The following SLC24A4 variants were observed in gnomAD, a reference collection of about 807,000 sequenced individuals.
The protein encoded by SLC24A4 is solute carrier family 24 member 4.
SLC24A4 carries 53 observed loss-of-function variants against 79.0 expected under a neutral mutation model. That is an observed-to-expected ratio of 0.67 (90% CI 0.54 to 0.84). The LOEUF is 0.84. Ranked by LOEUF, SLC24A4 falls within the 40% of genes least tolerant of loss-of-function variation. The pLI is 0.00. For missense variants in SLC24A4, 731 were observed against 822.0 expected (o/e 0.89, Z 1.35); for synonymous variants, 323 against 323.8 (o/e 1.00, Z 0.03).
intron 12 of SLC24A4, among the ~76,000 whole-genome samples, chr14:92,473,390 A>G (rs1351489864): frequency 6.6e-6 from 1 of 152,232 alleles, no homozygotes; most frequent in African/African-American, 2.4e-5. Flanking sequence ...CCTGGTGGGC[A>G]AGTCTGCTTG....
In SLC24A4 at chr14:92,497,265, C is replaced by T. The variant is rs1446297382; in HGVS notation, c.*3637C>T. 1 of 152,272 alleles carries T rather than the reference C, an allele frequency of 6.6e-6. No individual in the cohort carries two copies. Among genetic ancestry groups the T allele is most frequent in the African/African-American group, 2.4e-5 (1 of 41,448 alleles). The allele number at this position is 152,272 out of a possible 1,614,324, so 9.4% of individuals were successfully genotyped here. A position where few individuals can be genotyped will look rare whatever the true frequency, so the allele number is the denominator to read the frequency against. On this transcript the variant is annotated 3_prime_UTR_variant, in exon 17 of 17. Coordinates refer to ENST00000532405, the MANE Select transcript of SLC24A4 (RefSeq NM_153646.4). Reference sequence around the variant, plus strand: ...TATCACCCAAGGGCAGTCCTACAGACCCTGACCAAAGGCCGTTCCTGGGCG... The same window carrying T: ...TATCACCCAAGGGCAGTCCTACAGATCCTGACCAAAGGCCGTTCCTGGGCG...
At chr14:92,373,177 C>T (rs1394718160) in intron 2 of SLC24A4, among the ~76,000 whole-genome samples, 1 of 79,996 alleles carries the variant, frequency 1.3e-5, no homozygotes, top group Non-Finnish European at 2.9e-5. Context: ...TTTATACACA[C>T]ACACACACAC....
chr14:92,402,816 C>T (rs1260295240), intron 2 of SLC24A4, among the ~76,000 whole-genome samples: 1 of 152,158 alleles, frequency 6.6e-6, no homozygotes. Context: ...GTAATTCAAT[C>T]ACCTCCCACT....
intron 12 of SLC24A4, among the ~76,000 whole-genome samples, chr14:92,480,294 T>TTTTTTTA (rs1894986849): frequency 1.1e-5 from 1 of 87,398 alleles, no homozygotes; most frequent in African/African-American, 3.8e-5. Context: ...CCCTTTTTTT[T>TTTTTTTA]TTTTTTTTTT....
intron 2 of SLC24A4, among the ~76,000 whole-genome samples, chr14:92,414,785 A>G (rs965361231): frequency 2.0e-5 from 3 of 152,130 alleles, no homozygotes; most frequent in African/African-American, 7.2e-5. Flanking sequence ...CACAATCTCA[A>G]ATTGCTTCAC....
chr14:92,390,373 A>G (rs1889398567), intron 2 of SLC24A4, among the ~76,000 whole-genome samples: 2 of 152,078 alleles, frequency 1.3e-5, no homozygotes, highest in Admixed American at 6.6e-5. Context: ...ACTTGGTTTC[A>G]TCAGCCTGTC....
chr14:92,326,748 G>A (rs910776286), intron 2 of SLC24A4, among the ~76,000 whole-genome samples: 2 of 152,142 alleles, frequency 1.3e-5, no homozygotes, highest in African/African-American at 4.8e-5. Flanking sequence ...AGGAGGATCT[G>A]GGGGGATGAT....
At position 92,493,855 on chromosome 14, in the gene SLC24A4, A is replaced by G. The variant is rs941086009; in HGVS notation, c.*227A>G. On this transcript the variant is annotated 3_prime_UTR_variant, in exon 17 of 17. Transcript: ENST00000532405. ...CCCTGCAAGGCTGGATTTGGGGGCC[A>G]TTATCTGAGCAGCTTCAAAGACCCC... 3 of 570,756 alleles carry G rather than the reference A, an allele frequency of 5.3e-6. No homozygotes were observed. Among genetic ancestry groups the G allele is most frequent in the Non-Finnish European group, 9.2e-6 (3 of 324,948 alleles). 35.4% of individuals were successfully genotyped at this position (570,756 alleles called of 1,614,324 possible). A position where few individuals can be genotyped will look rare whatever the true frequency, so the allele number is the denominator to read the frequency against.
At chr14:92,386,563 G>A (rs1169354402) in intron 2 of SLC24A4, among the ~76,000 whole-genome samples, 1 of 152,144 alleles carries the variant, frequency 6.6e-6, no homozygotes, top group Non-Finnish European at 1.5e-5. Context: ...CACATGATAA[G>A]TTCTCAAATG....
At chr14:92,442,895 G>A (rs570319535) in intron 6 of SLC24A4, 79 bp downstream of exon 6, 14 of 1,220,742 alleles carry the variant, frequency 1.1e-5, no homozygotes, top group Admixed American at 1.1e-4. Context: ...AGAGGTTGGG[G>A]TAGCAGTGGG....
At position 92,493,544 on chromosome 14, in the gene SLC24A4, C is replaced by T. The variant is rs756966402; in HGVS notation, c.1785C>T (p.Tyr595=). The T allele has an allele frequency of 6.8e-6, 11 of 1,614,100 alleles. No individual in the cohort carries two copies. Among genetic ancestry groups the T allele is most frequent in the South Asian group, 2.2e-5 (2 of 91,088 alleles). The change falls in exon 17 of 17, where the codon TAC becomes TAT. Residue 595 remains tyrosine (Y), a synonymous_variant. Coordinates refer to ENST00000532405, the MANE Select transcript of SLC24A4 (RefSeq NM_153646.4). ...TGGGTGTCTACGTGCTGGTTCTCTA[C>T]GCCATCTTCTTGTGCTTCTCCATAA... is the stretch of plus-strand genomic sequence containing the variant. ...RKLGVYVLVL[Y]AIFLCFSIMI... is the part of the protein sequence containing the mutation.
intron 3 of SLC24A4, among the ~76,000 whole-genome samples, 181 bp from the exon 4 acceptor site, chr14:92,439,154 G>C (rs1892351062): frequency 6.6e-6 from 1 of 152,198 alleles, no homozygotes; most frequent in Admixed American, 6.5e-5. Context: ...CTGGGCCTCA[G>C]TTTCCCCATT....
At chr14:92,393,586 C>T (rs970184640) in intron 2 of SLC24A4, among the ~76,000 whole-genome samples, 2 of 145,838 alleles carry the variant, frequency 1.4e-5, no homozygotes, top group South Asian at 2.2e-4. Flanking sequence ...CGCTCTGTCG[C>T]CCAGGATGGA....
At chr14:92,433,867 G>A (rs753860520) in intron 2 of SLC24A4, 45 bp from the exon 3 acceptor site, 4 of 1,523,108 alleles carry the variant, frequency 2.6e-6, no homozygotes, top group Non-Finnish European at 3.6e-6. Flanking sequence ...TTTGTCGGGA[G>A]GCCCATAGAT....
chr14:92,484,964 C>T (rs1227481847), intron 13 of SLC24A4: 2 of 814,946 alleles, frequency 2.5e-6, no homozygotes, highest in Non-Finnish European at 3.0e-6. Context: ...ACATTATACC[C>T]AATTTCAACC....
chr14:92,416,090 C>T (rs1198207871), intron 2 of SLC24A4, among the ~76,000 whole-genome samples: 1 of 151,350 alleles, frequency 6.6e-6, no homozygotes, highest in African/African-American at 2.4e-5. Context: ...CCACCCATTC[C>T]AGGAAAGGAA....
intron 12 of SLC24A4, 81 bp from the exon 13 acceptor site, chr14:92,482,597 TAA>T: frequency 7.3e-7 from 1 of 1,370,266 alleles, no homozygotes; most frequent in Non-Finnish European, 9.9e-7. Context: ...GCTTGAAGAC[TAA>T]ATCGACAGGT....
At chr14:92,489,850 T>A (rs1895583739) in intron 14 of SLC24A4, among the ~76,000 whole-genome samples, 1 of 152,198 alleles carries the variant, frequency 6.6e-6, no homozygotes, top group Non-Finnish European at 1.5e-5. Context: ...CCTCCTGACC[T>A]GCCGGAGTGC....
intron 2 of SLC24A4, among the ~76,000 whole-genome samples, chr14:92,374,231 C>T (rs1888370815): frequency 1.3e-5 from 2 of 152,194 alleles, no homozygotes; most frequent in Admixed American, 6.5e-5. Context: ...CCTCACCGTT[C>T]CTGAGGTAGG....
Sources: allele counts gnomAD v4.1 joint callset (sites outside exome capture counted in the v4.1 genomes callset), GRCh38; gene constraint gnomAD v4.1.1; transcripts MANE v1.5; gene names NCBI Gene and HGNC (gene_info 2026-07-23, HGNC 2026-07-21).